The following GPR183 variants were observed in gnomAD, a reference collection of about 807,000 sequenced individuals.
GPR183 encodes the protein EBV-induced G-protein coupled receptor 2.
GPR183 carries 9 observed loss-of-function variants against 19.7 expected under a neutral mutation model. That is an observed-to-expected ratio of 0.46 (90% CI 0.28 to 0.80). The LOEUF (loss-of-function observed/expected upper bound fraction) is 0.80, where lower values mean the gene tolerates loss of function less well. Among genes scored for constraint, GPR183 ranks in the 30% least tolerant of loss-of-function variants. The pLI, the probability that GPR183 is intolerant of heterozygous loss-of-function variation, is 0.13. For missense variants in GPR183, 368 were observed against 446.7 expected, an observed-to-expected ratio of 0.82 and a Z score of 1.59; for synonymous variants, 160 against 155.1, an observed-to-expected ratio of 1.03 and a Z score of -0.24.
At chr13:99,306,936 T>C (rs1360648370) in intron 1 of GPR183, among the ~76,000 whole-genome samples, 1 of 152,204 alleles carries the variant, frequency 6.6e-6, no homozygotes, top group East Asian at 1.9e-4. Context: ...AATAATCTTA[T>C]ATTTCTAATA....
chr13:99,295,499 T>C lies in GPR183; in HGVS notation c.647A>G (p.Tyr216Cys). The change falls in exon 2 of 2, where the codon TAT (tyrosine) becomes TGT (cysteine). Residue 216 changes from tyrosine to cysteine, a missense_variant. By Grantham distance (194) the Tyr-to-Cys change is radical. Transcript: ENST00000376414. This position sits in a 1 kb window ranked among gnomAD's most constrained non-coding sequence, Gnocchi z 4.1. The stretch of plus-strand genomic sequence containing the variant: ...GAAGAGTTTGCAGCAGATCTGAGAA[T>C]AGCAGATGAGAATGATTATAAGTGG... ...VLPLIIILIC[Y>C]SQICCKLFRT... 6.2e-7 allele frequency: 1 copy of C among 1,613,934 alleles called. No individual in the cohort carries two copies. The highest frequency in any genetic ancestry group is 8.5e-7 in the Non-Finnish European group (1 of 1,180,000).
At chr13:99,300,612 G>A (rs1346381536) in intron 1 of GPR183, among the ~76,000 whole-genome samples, 1 of 152,146 alleles carries the variant, frequency 6.6e-6, no homozygotes, top group East Asian at 1.9e-4. Flanking sequence ...CTTGAATTAA[G>A]TCCATTCTTT....
At chr13:99,305,975 A>C (rs567287528) in intron 1 of GPR183, among the ~76,000 whole-genome samples, 2 of 152,248 alleles carry the variant, frequency 1.3e-5, no homozygotes, top group African/African-American at 4.8e-5. Context: ...GGCTCACTGC[A>C]ACCTCCGCCT....
At chr13:99,307,080 G>A (rs112471195) in intron 1 of GPR183, among the ~76,000 whole-genome samples, 2,240 of 152,228 alleles carry the variant, frequency 0.015, 56 homozygotes, top group African/African-American at 0.051. Flanking sequence ...AGTTTATACA[G>A]TAGTACATGA....
chr13:99,301,905 ATATT>A (rs2044262663), intron 1 of GPR183, among the ~76,000 whole-genome samples: 1 of 152,140 alleles, frequency 6.6e-6, no homozygotes, highest in South Asian at 2.1e-4. Flanking sequence ...TTGCCCTCTA[ATATT>A]TATTTATTTT....
chr13:99,295,907 A>T lies in GPR183; in HGVS notation c.239T>A (p.Phe80Tyr). 2.5e-6 allele frequency: 4 copies of T among 1,613,484 alleles called. No individual in the cohort carries two copies. In the African/African-American group the frequency reaches 5.3e-5, roughly 22 times the overall value. ...STNLVISDIL[F>Y]TTALPTRIAY... ...TATTCGTGTAGGCAAAGCGGTGGTAAAAAGTATATCAGAAATCACCAAATT... is the reference window on the plus strand; with the variant it reads ...TATTCGTGTAGGCAAAGCGGTGGTATAAAGTATATCAGAAATCACCAAATT... The change falls in exon 2 of 2, where the codon TTT becomes TAT. Residue 80 changes from phenylalanine to tyrosine, a missense_variant. Physicochemically the swap from Phe to Tyr is conservative, Grantham distance 22. Coordinates refer to ENST00000376414, the MANE Select transcript of GPR183 (RefSeq NM_004951.5). This position sits in a 1 kb window ranked among gnomAD's most constrained non-coding sequence, Gnocchi z 4.1.
intron 1 of GPR183, among the ~76,000 whole-genome samples, chr13:99,304,830 T>G (rs1285490253): frequency 6.6e-6 from 1 of 152,204 alleles, no homozygotes; most frequent in African/African-American, 2.4e-5. Flanking sequence ...TTCAGTACAA[T>G]ACATTTTATC....
At chr13:99,301,713 G>T (rs1411498613) in intron 1 of GPR183, among the ~76,000 whole-genome samples, 1 of 152,150 alleles carries the variant, frequency 6.6e-6, no homozygotes, top group Non-Finnish European at 1.5e-5. Flanking sequence ...ATACCCACTT[G>T]GAGGGATTTG....
intron 1 of GPR183, among the ~76,000 whole-genome samples, chr13:99,304,767 T>C (rs2044307408): frequency 6.6e-6 from 1 of 152,212 alleles, no homozygotes; most frequent in Admixed American, 6.5e-5. Flanking sequence ...ACCAAAGACC[T>C]AGCTGTTAAA....
intron 1 of GPR183, among the ~76,000 whole-genome samples, chr13:99,303,841 G>A (rs2044291443): frequency 6.6e-6 from 1 of 152,096 alleles, no homozygotes. Flanking sequence ...TCGGTCATTC[G>A]CTCAGGGATC....
intron 1 of GPR183, among the ~76,000 whole-genome samples, chr13:99,300,502 A>G (rs910796486): frequency 2.0e-5 from 3 of 152,214 alleles, no homozygotes; most frequent in Admixed American, 2.0e-4. Flanking sequence ...GACTGTTACT[A>G]TCCCATTCTT....
rs1293181109 is a variant in GPR183, at chr13:99,296,182, G to A, written c.-18-19C>T. The stretch of plus-strand genomic sequence containing the variant: ...CAGGTGTCTAGAAAAAAACCAAGAA[G>A]GATCATATAAGTAAAAGCATATGTA... On this transcript the variant is annotated intron_variant, in intron 1 of 1. Coordinates refer to ENST00000376414, the MANE Select transcript of GPR183 (RefSeq NM_004951.5). The A allele has an allele frequency of 6.6e-7, 1 of 1,523,536 alleles. No homozygotes were observed. The highest frequency in any genetic ancestry group is 8.8e-7 in the Non-Finnish European group (1 of 1,137,554). The allele number at this position is 1,523,536 out of a possible 1,614,324, so 94.4% of individuals were successfully genotyped here.
intron 1 of GPR183, among the ~76,000 whole-genome samples, chr13:99,302,986 G>A (rs2044278789): frequency 7.2e-6 from 1 of 138,762 alleles, no homozygotes; most frequent in South Asian, 2.5e-4. Flanking sequence ...AGTTGACTGT[G>A]GTCCGTCTGT....
At chr13:99,305,891 A>G (rs1730838611) in intron 1 of GPR183, among the ~76,000 whole-genome samples, 1 of 151,850 alleles carries the variant, frequency 6.6e-6, no homozygotes, top group Admixed American at 6.6e-5. Context: ...AGGGCCATTT[A>G]TTTATTTATT....
intron 1 of GPR183, among the ~76,000 whole-genome samples, chr13:99,302,635 A>G (rs1414450813): frequency 2.0e-5 from 3 of 152,226 alleles, no homozygotes; most frequent in Non-Finnish European, 4.4e-5. Flanking sequence ...CTAAACAGCC[A>G]TCATCTGAGG....
At chr13:99,304,018 G>C (rs993554176) in intron 1 of GPR183, among the ~76,000 whole-genome samples, 1 of 152,034 alleles carries the variant, frequency 6.6e-6, no homozygotes, top group African/African-American at 2.4e-5. Context: ...CCTTCTGCCC[G>C]CAGCCACGGC....
intron 1 of GPR183, among the ~76,000 whole-genome samples, chr13:99,300,419 C>T (rs1475942040): frequency 6.6e-6 from 1 of 152,176 alleles, no homozygotes; most frequent in Non-Finnish European, 1.5e-5. Flanking sequence ...TTATATTTAT[C>T]CTGTGTTATT....
intron 1 of GPR183, among the ~76,000 whole-genome samples, chr13:99,306,556 T>G (rs1259049968): frequency 6.6e-6 from 1 of 152,072 alleles, no homozygotes; most frequent in East Asian, 1.9e-4. Context: ...TATAAAACCC[T>G]CACTGCCCTT....
intron 1 of GPR183, among the ~76,000 whole-genome samples, chr13:99,303,668 A>G (rs1160475587): frequency 1.3e-5 from 2 of 152,218 alleles, no homozygotes; most frequent in Non-Finnish European, 2.9e-5. Flanking sequence ...CTCTGTGTCT[A>G]TAATATTTCT....
Sources: gnomAD v4.1 joint callset for allele counts (sites outside exome capture counted in the v4.1 genomes callset) on GRCh38, gnomAD v4.1.1 for gene constraint, Gnocchi (gnomAD v3.1) non-coding constraint, MANE v1.5 for transcripts, NCBI Gene and HGNC (gene_info 2026-07-23, HGNC 2026-07-21) for gene names.